Variants in MADD observed in about 807,000 individuals in gnomAD.
MADD encodes the protein MAP kinase-activating death domain protein.
In MADD, 109 loss-of-function variants were observed where a neutral mutation model predicts 176.7. The observed-to-expected ratio is 0.62, with a 90% CI of 0.53 to 0.72. The LOEUF is 0.72. MADD is among the 30% of genes least tolerant of loss of function. The probability of loss-of-function intolerance (pLI) is 0.00; values close to 1 mark genes in which losing one functional copy is unlikely to be tolerated. For missense variants in MADD, 1,914 were observed against 2,045.5 expected, an observed-to-expected ratio of 0.94 and a Z score of 1.24; for synonymous variants, 771 against 771.3, an observed-to-expected ratio of 1.00 and a Z score of 0.01.
chr11:47,275,821 C>G (rs2049280140), intron 3 of MADD, 78 bp from the exon 4 acceptor site: 1 of 1,353,350 alleles, frequency 7.4e-7, no homozygotes, highest in South Asian at 1.3e-5. Context: ...TCATTAGAGC[C>G]TCTGTGGTGA....
rs1284352267 is a variant in MADD, at chr11:47,290,188, C to T, written c.2983C>T (p.Leu995Phe). ...GGTGTACAAGGGAATGTTAGACCTCCTCAAGTGTACAGTCCTCAGCTTGGA... is the reference window on the plus strand; with the variant it reads ...GGTGTACAAGGGAATGTTAGACCTCTTCAAGTGTACAGTCCTCAGCTTGGA... The change falls in exon 18 of 33, where the codon CTC becomes TTC. Residue 995 changes from leucine (L) to phenylalanine (F), a missense_variant. Physicochemically the swap from Leu to Phe is conservative, Grantham distance 22 (BLOSUM62 0). This residue lies in a region of MADD where 1,767 missense variants were observed against 1,836.0 expected (regional missense o/e 0.96). Transcript: ENST00000402192. 1.9e-6 allele frequency: 3 copies of T among 1,614,164 alleles called. No individual in the cohort carries two copies. In the Admixed American group the frequency reaches 5.0e-5, roughly 27 times the overall value.
chr11:47,273,968 A>G, exon 2 of MADD: 1 of 1,614,012 alleles, frequency 6.2e-7, no homozygotes. Context: ...TAGTGATCGT[A>G]GGGGCCAGGT....
intron 25 of MADD, 58 bp from the exon 29 acceptor site, chr11:47,311,674 C>T: frequency 9.4e-7 from 1 of 1,064,826 alleles, no homozygotes; most frequent in Non-Finnish European, 1.5e-6. Flanking sequence ...TCTCTTTTCT[C>T]TACCTCAGTC....
intron 10 of MADD, among the ~76,000 whole-genome samples, chr11:47,283,538 A>G (rs1444173157): frequency 6.6e-6 from 1 of 152,024 alleles, no homozygotes; most frequent in African/African-American, 2.4e-5. Context: ...AGTAGCTGGG[A>G]CTACAGGTGC....
intron 26 of MADD, among the ~76,000 whole-genome samples, chr11:47,312,312 A>C (rs1162629748): frequency 1.1e-4 from 17 of 152,108 alleles, no homozygotes; most frequent in African/African-American, 4.1e-4. Context: ...GCAGTAGCGC[A>C]ATCTTGGCTC....
rs565209766 is a variant in MADD, at chr11:47,283,927, C to CA, written c.1863-248dup. On this transcript the variant is annotated intron_variant, in intron 10 of 32. Transcript: ENST00000402192. ...TTCACCATGTTTGCCAGGCTGGTCT[C>CA]AAACTCCAGACCTCAGGTGATCCAC... 8.5e-5 allele frequency among the ~76,000 whole-genome samples: 13 copies of CA among 152,384 alleles called. No individual in the cohort carries two copies. In the South Asian group the frequency reaches 2.7e-3, roughly 32 times the overall value.
At chr11:47,328,096 A>G (rs1595740004) in intron 31 of MADD, 1 of 995,724 alleles carries the variant, frequency 1.0e-6, no homozygotes. Flanking sequence ...CCTGCCACTC[A>G]GGGAAGGACA....
intron 22 of MADD, among the ~76,000 whole-genome samples, chr11:47,300,170 C>T (rs2076506445): frequency 6.7e-6 from 1 of 149,182 alleles, no homozygotes; most frequent in Admixed American, 6.7e-5. Flanking sequence ...TGCATTGAAG[C>T]TATTGGGTCC....
chr11:47,293,829 C>A, intron 19 of MADD, 54 bp from the exon 22 acceptor site: 3 of 1,199,942 alleles, frequency 2.5e-6, no homozygotes, highest in Non-Finnish European at 3.7e-6. Context: ...ACCCCCTTTA[C>A]CAGCCTGCCC....
intron 27 of MADD, among the ~76,000 whole-genome samples, chr11:47,319,842 T>G (rs2094048584): frequency 6.6e-6 from 1 of 151,770 alleles, no homozygotes; most frequent in South Asian, 2.1e-4. Flanking sequence ...AATACAAAAA[T>G]TAGCCGGGCG....
chr11:47,319,676 A>G (rs915654323), intron 27 of MADD, among the ~76,000 whole-genome samples: 4 of 152,186 alleles, frequency 2.6e-5, no homozygotes, highest in African/African-American at 9.6e-5. Flanking sequence ...TTTTGCACTT[A>G]CGAAAGTGGT....
At chr11:47,282,396 G>A (rs771696783) in exon 9 of MADD, 2 of 1,614,118 alleles carry the variant, frequency 1.2e-6, no homozygotes, top group Non-Finnish European at 8.5e-7. Flanking sequence ...CCATGGTACG[G>A]TTCTTCAATT....
At position 47,275,973 on chromosome 11, in the gene MADD, G is replaced by A. The variant is rs748815807; in HGVS notation, c.734G>A (p.Arg245Gln). ...TCAAGTGCCCTTCTGCATGACCTTCGAGAGATTGAGGCCTGGATCTATCGA... is the reference window on the plus strand; with the variant it reads ...TCAAGTGCCCTTCTGCATGACCTTCAAGAGATTGAGGCCTGGATCTATCGA... Residue 245 changes from arginine (R) to glutamine (Q), a missense_variant, in exon 4 of 33, where the codon CGA becomes CAA. Physicochemically the swap from Arg to Gln is conservative, Grantham distance 43. Around this residue, in one of 2 missense-constraint regions of MADD, gnomAD observed 1,767 missense variants for 1,836.0 expected, o/e 0.96. Coordinates refer to ENST00000402192, the Ensembl canonical transcript of MADD. 4.3e-6 allele frequency: 7 copies of A among 1,614,040 alleles called. No homozygotes were observed. In the Admixed American group the frequency reaches 5.0e-5, roughly 12 times the overall value.
intron 5 of MADD, among the ~76,000 whole-genome samples, 157 bp from the exon 6 acceptor site, chr11:47,278,008 A>G (rs1244093388): frequency 6.6e-6 from 1 of 152,278 alleles, no homozygotes; most frequent in Non-Finnish European, 1.5e-5. Flanking sequence ...TTACCTTTCA[A>G]AAAATCTGAA....
chr11:47,284,497 C>A (rs773640972), exon 12 of MADD: 1 of 1,614,122 alleles, frequency 6.2e-7, no homozygotes, highest in South Asian at 1.1e-5. Flanking sequence ...GGAAAACCCC[C>A]CACTGCGCTC....
intron 22 of MADD, among the ~76,000 whole-genome samples, chr11:47,296,885 C>G (rs898313618): frequency 6.6e-6 from 1 of 151,772 alleles, no homozygotes; most frequent in Non-Finnish European, 1.5e-5. Flanking sequence ...AGTGATCCTC[C>G]CACCTCAGCC....
At chr11:47,290,110 G>C in intron 17 of MADD, 39 bp from the exon 19 acceptor site, 1 of 1,612,648 alleles carries the variant, frequency 6.2e-7, no homozygotes, top group African/African-American at 1.3e-5. Flanking sequence ...GAACACCACA[G>C]GCAATTTGCC....
intron 22 of MADD, among the ~76,000 whole-genome samples, chr11:47,297,074 T>C (rs1454823870): frequency 6.6e-6 from 1 of 152,240 alleles, no homozygotes; most frequent in Non-Finnish European, 1.5e-5. Context: ...TGCTTTTTAA[T>C]GTGTATGTGC....
At chr11:47,280,874 T>C (rs1337344590) in intron 7 of MADD, among the ~76,000 whole-genome samples, 1 of 152,228 alleles carries the variant, frequency 6.6e-6, no homozygotes, top group East Asian at 1.9e-4. Flanking sequence ...GCCAGAATTA[T>C]ATTTTAAATG....
Sources: allele counts gnomAD v4.1 joint callset (sites outside exome capture counted in the v4.1 genomes callset), GRCh38; gene constraint gnomAD v4.1.1; regional missense constraint gnomAD v4.1.1; transcripts MANE v1.5; gene names NCBI Gene and HGNC (gene_info 2026-07-23, HGNC 2026-07-21).